The following ARSB variants were observed in gnomAD, a reference collection of about 807,000 sequenced individuals.
ARSB encodes arylsulfatase B.
ARSB carries 41 observed loss-of-function variants against 50.9 expected under a neutral mutation model. The observed-to-expected ratio is 0.81, with a 90% CI of 0.63 to 1.04. The LOEUF (loss-of-function observed/expected upper bound fraction) is 1.04. Ranked by LOEUF, ARSB falls within the 50% of genes least tolerant of loss-of-function variation. ARSB has a pLI of 0.00. For missense variants in ARSB, 672 were observed against 693.3 expected (o/e 0.97, Z 0.35); for synonymous variants, 269 against 284.8 (o/e 0.94, Z 0.56).
intron 6 of ARSB, among the ~76,000 whole-genome samples, chr5:78,831,065 A>G (rs1429711168): frequency 6.6e-6 from 1 of 152,214 alleles, no homozygotes. Context: ...AGAGAAATAC[A>G]TAAAGTGAAA....
chr5:78,915,696 T>C (rs996653079), intron 4 of ARSB, among the ~76,000 whole-genome samples: 12 of 152,306 alleles, frequency 7.9e-5, no homozygotes, highest in East Asian at 7.7e-4. Context: ...TTGTGGGATA[T>C]TTGCATATAC....
At chr5:78,832,601 C>T (rs339033) in intron 6 of ARSB, among the ~76,000 whole-genome samples, 6,037 of 152,192 alleles carry the variant, frequency 0.04, 237 homozygotes, top group African/African-American at 0.099. Context: ...ACCTGGACGA[C>T]TCTTGGATCT....
intron 6 of ARSB, among the ~76,000 whole-genome samples, chr5:78,794,374 GAAATA>G (rs1743101285): frequency 6.6e-6 from 1 of 152,092 alleles, no homozygotes; most frequent in Non-Finnish European, 1.5e-5. Context: ...GCACAAACAT[GAAATA>G]AAATAAAAAC....
chr5:78,828,496 G>A (rs962043943), intron 6 of ARSB, among the ~76,000 whole-genome samples: 8 of 152,128 alleles, frequency 5.3e-5, no homozygotes, highest in Non-Finnish European at 1.0e-4. Context: ...AGGTTCAGTG[G>A]AGGTGAAAGA....
chr5:78,827,422 G>A (rs1222271845), intron 6 of ARSB, among the ~76,000 whole-genome samples: 1 of 152,036 alleles, frequency 6.6e-6, no homozygotes, highest in Non-Finnish European at 1.5e-5. Context: ...TGTTGGCCAG[G>A]CTGGTCTTGA....
chr5:78,913,270 G>A (rs558188456), intron 4 of ARSB, among the ~76,000 whole-genome samples: 3 of 152,136 alleles, frequency 2.0e-5, no homozygotes, highest in South Asian at 2.1e-4. Flanking sequence ...GACTACAGGC[G>A]CCCGCCACCT....
At chr5:78,895,605 G>A (rs1473556409) in intron 4 of ARSB, among the ~76,000 whole-genome samples, 2 of 152,194 alleles carry the variant, frequency 1.3e-5, no homozygotes, top group Admixed American at 6.5e-5. Flanking sequence ...ATAAAGTTAG[G>A]CATATAGACT....
intron 6 of ARSB, among the ~76,000 whole-genome samples, chr5:78,784,165 G>A (rs1165464949): frequency 6.6e-6 from 1 of 152,168 alleles, no homozygotes; most frequent in Non-Finnish European, 1.5e-5. Flanking sequence ...TATGTGCCAA[G>A]GGATAATATA....
intron 4 of ARSB, among the ~76,000 whole-genome samples, chr5:78,932,505 A>G (rs1750374657): frequency 6.6e-6 from 1 of 152,172 alleles, no homozygotes; most frequent in Non-Finnish European, 1.5e-5. Context: ...TAGAACTTCA[A>G]TTATCCAGGA....
chr5:78,844,703 G>A lies in ARSB; in HGVS notation c.1143-5277C>T, dbSNP rs75732558. On this transcript the variant is annotated intron_variant, in intron 5 of 7. Coordinates refer to ENST00000264914, the MANE Select transcript of ARSB (RefSeq NM_000046.5). ...TGATCCATTTTAAGTTAATTTTTGT[G>A]TATGCTGTGAGGTAGAGATCCAACT... Among the ~76,000 whole-genome samples the A allele has an allele frequency of 6.4e-3, 977 of 152,030 alleles. 11 individuals carry two copies. Among genetic ancestry groups the A allele is most frequent in the African/African-American group, 0.022 (901 of 41,502 alleles).
intron 1 of ARSB, among the ~76,000 whole-genome samples, chr5:78,970,315 A>G (rs1288195682): frequency 6.6e-6 from 1 of 152,212 alleles, no homozygotes; most frequent in African/African-American, 2.4e-5. Flanking sequence ...GATGTACAAA[A>G]AATATAAAAC....
chr5:78,930,633 GA>G (rs976922319), intron 4 of ARSB, among the ~76,000 whole-genome samples: 1 of 152,124 alleles, frequency 6.6e-6, no homozygotes, highest in African/African-American at 2.4e-5. Context: ...AAGAAAACAT[GA>G]AAAAAGAGTC....
chr5:78,801,807 T>C (rs895997171), intron 6 of ARSB, among the ~76,000 whole-genome samples: 1 of 151,942 alleles, frequency 6.6e-6, no homozygotes, highest in Admixed American at 6.6e-5. Context: ...TCATTAAAAA[T>C]GGCAGAGCTG....
intron 1 of ARSB, among the ~76,000 whole-genome samples, chr5:78,969,670 G>C (rs759513817): frequency 6.6e-6 from 1 of 152,120 alleles, no homozygotes; most frequent in African/African-American, 2.4e-5. Flanking sequence ...AGGCTGGAGT[G>C]CAATGGCGCA....
chr5:78,799,069 A>G (rs1482560310), intron 6 of ARSB, among the ~76,000 whole-genome samples: 1 of 152,234 alleles, frequency 6.6e-6, no homozygotes, highest in East Asian at 1.9e-4. Flanking sequence ...TTTCACATGA[A>G]CTGGGATTCA....
intron 5 of ARSB, among the ~76,000 whole-genome samples, chr5:78,875,842 A>G (rs1747454847): frequency 6.6e-6 from 1 of 151,732 alleles, no homozygotes; most frequent in African/African-American, 2.4e-5. Flanking sequence ...CAACTTTTGT[A>G]TTTTTGGTAG....
chr5:78,859,944 T>C (rs183276183), intron 5 of ARSB, among the ~76,000 whole-genome samples: 3 of 152,262 alleles, frequency 2.0e-5, no homozygotes, highest in Middle Eastern at 3.4e-3. Flanking sequence ...GAGTGTAGGA[T>C]AGAAGCCCTT....
chr5:78,859,674 T>G (rs1746331871), intron 5 of ARSB, among the ~76,000 whole-genome samples: 1 of 152,092 alleles, frequency 6.6e-6, no homozygotes, highest in Non-Finnish European at 1.5e-5. Flanking sequence ...TGGATTTGCT[T>G]TGCCTCCATC....
At chr5:78,848,162 C>A (rs1745543977) in intron 5 of ARSB, among the ~76,000 whole-genome samples, 2 of 150,402 alleles carry the variant, frequency 1.3e-5, no homozygotes, top group Admixed American at 6.6e-5. Flanking sequence ...TGTTGTGCTG[C>A]ACCCATTAAC....
Sources: allele counts gnomAD v4.1 joint callset (sites outside exome capture counted in the v4.1 genomes callset), GRCh38; gene constraint gnomAD v4.1.1; transcripts MANE v1.5; gene names NCBI Gene and HGNC (gene_info 2026-07-23, HGNC 2026-07-21).